The following EPHB1 variants were observed in gnomAD, a reference collection of about 807,000 sequenced individuals.
The protein encoded by EPHB1 is EPH receptor B1.
EPHB1 carries 30 observed loss-of-function variants against 94.4 expected under a neutral mutation model. The observed-to-expected ratio is 0.32, with a 90% confidence interval of 0.24 to 0.43. EPHB1 has a LOEUF of 0.43. EPHB1 is among the 20% of genes least tolerant of loss of function. The probability of loss-of-function intolerance (pLI) is 1.00; values close to 1 mark genes in which losing one functional copy is unlikely to be tolerated. For synonymous variants in EPHB1, 522 were observed against 489.1 expected (o/e 1.07, Z -0.89); for missense variants, 1,055 against 1,308.3 (o/e 0.81, Z 2.99).
intron 1 of EPHB1, among the ~76,000 whole-genome samples, chr3:134,910,008 T>C (rs2038418805): frequency 6.6e-6 from 1 of 152,156 alleles, no homozygotes; most frequent in Non-Finnish European, 1.5e-5. Flanking sequence ...GTTGGCTGCC[T>C]CCTAGTCCAT....
chr3:135,017,166 G>A (rs1214906247), intron 3 of EPHB1, among the ~76,000 whole-genome samples: 1 of 152,168 alleles, frequency 6.6e-6, no homozygotes, highest in Non-Finnish European at 1.5e-5. Context: ...GCAAGTGCAG[G>A]GTCTGTGTCA....
intron 4 of EPHB1, among the ~76,000 whole-genome samples, chr3:135,110,819 G>C (rs559662279): frequency 6.6e-6 from 1 of 152,216 alleles, no homozygotes; most frequent in East Asian, 1.9e-4. Flanking sequence ...ATCTTTTAAG[G>C]TGCTGGCAGT....
intron 3 of EPHB1, among the ~76,000 whole-genome samples, chr3:135,030,304 T>G (rs944780672): frequency 5.3e-5 from 8 of 152,192 alleles, no homozygotes; most frequent in African/African-American, 1.9e-4. Context: ...GGCGCTCTGC[T>G]TTTTAGAGTT....
chr3:135,133,494 A>C (rs1266711944), intron 5 of EPHB1, among the ~76,000 whole-genome samples: 1 of 152,216 alleles, frequency 6.6e-6, no homozygotes, highest in Non-Finnish European at 1.5e-5. Context: ...AGGCACTGAA[A>C]GACTTTGAGA....
At chr3:134,880,365 A>T (rs2037706643) in intron 1 of EPHB1, among the ~76,000 whole-genome samples, 1 of 152,234 alleles carries the variant, frequency 6.6e-6, no homozygotes, top group African/African-American at 2.4e-5. Context: ...TTTGGTGAGG[A>T]TACCTTCAGG....
rs2038177316 is a variant in EPHB1, at chr3:134,900,451, G to A, written c.59-25365G>A. The stretch of plus-strand genomic sequence containing the variant: ...ATAAGACTGGTGGTGTGTGGGTAGG[G>A]CAGCTTAGAGGGTGGGTGGAGAGGT... On this transcript the variant is annotated intron_variant, in intron 1 of 15. Transcript: ENST00000398015. Among the ~76,000 whole-genome samples, 3 of 152,160 alleles carry A rather than the reference G, an allele frequency of 2.0e-5. No homozygotes were observed. In the South Asian group the frequency reaches 6.2e-4, roughly 32 times the overall value.
At chr3:135,250,266 T>C (rs1463869907) in intron 15 of EPHB1, among the ~76,000 whole-genome samples, 3 of 152,182 alleles carry the variant, frequency 2.0e-5, no homozygotes, top group Admixed American at 1.3e-4. Context: ...AGAACCATAT[T>C]TTTGAGGGGC....
At chr3:135,230,152 C>T (rs1322113415) in intron 12 of EPHB1, among the ~76,000 whole-genome samples, 11 of 152,168 alleles carry the variant, frequency 7.2e-5, no homozygotes, top group Admixed American at 1.3e-4. Context: ...AAACACTGGA[C>T]GTGGCCTGGA....
chr3:135,071,674 A>G (rs1937715987), intron 3 of EPHB1, among the ~76,000 whole-genome samples: 1 of 151,768 alleles, frequency 6.6e-6, no homozygotes, highest in South Asian at 2.1e-4. Context: ...GAGTGAAAAA[A>G]CTCATGGCTC....
chr3:135,061,080 A>G (rs560213893), intron 3 of EPHB1, among the ~76,000 whole-genome samples: 122 of 152,286 alleles, frequency 8.0e-4, no homozygotes, highest in African/African-American at 2.7e-3. Flanking sequence ...CTCACTTAAC[A>G]TAATGATCTC....
At chr3:134,798,936 G>A (rs573996598) in intron 1 of EPHB1, among the ~76,000 whole-genome samples, 7 of 152,308 alleles carry the variant, frequency 4.6e-5, no homozygotes, top group East Asian at 1.9e-4. Context: ...CTCAGAGTGC[G>A]GCACACTGGC....
chr3:135,240,978 T>A (rs1295088966), intron 12 of EPHB1, among the ~76,000 whole-genome samples, 170 bp from the exon 13 acceptor site: 1 of 152,186 alleles, frequency 6.6e-6, no homozygotes, highest in East Asian at 1.9e-4. Flanking sequence ...TGAGCTTCTC[T>A]AACTAGGCAC....
At chr3:134,831,074 C>T (rs1357826724) in intron 1 of EPHB1, among the ~76,000 whole-genome samples, 7 of 152,214 alleles carry the variant, frequency 4.6e-5, no homozygotes, top group African/African-American at 1.7e-4. Flanking sequence ...AACCAGAGTG[C>T]TTCCCCTAAA....
intron 4 of EPHB1, among the ~76,000 whole-genome samples, chr3:135,118,819 GTGTT>G (rs577583161): frequency 6.6e-6 from 1 of 152,290 alleles, no homozygotes; most frequent in East Asian, 1.9e-4. Flanking sequence ...CCATGGGTGA[GTGTT>G]TGGGCCCATT....
chr3:134,847,491 G>A (rs2108298428), intron 1 of EPHB1, among the ~76,000 whole-genome samples: 1 of 152,336 alleles, frequency 6.6e-6, no homozygotes, highest in South Asian at 2.1e-4. Context: ...TTAAACCAAA[G>A]TCCTCTGTGG....
chr3:134,980,822 C>G (rs1197404604), intron 3 of EPHB1, among the ~76,000 whole-genome samples: 1 of 152,202 alleles, frequency 6.6e-6, no homozygotes, highest in Non-Finnish European at 1.5e-5. Flanking sequence ...TGAGGATTCC[C>G]TGCCTGCTGC....
intron 2 of EPHB1, among the ~76,000 whole-genome samples, chr3:134,931,964 AATGT>A (rs1435459239): frequency 2.0e-5 from 3 of 151,930 alleles, no homozygotes; most frequent in Non-Finnish European, 4.4e-5. Flanking sequence ...AATATATATG[AATGT>A]ATATATGTAT....
chr3:135,154,644 T>A (rs188688487), intron 6 of EPHB1, among the ~76,000 whole-genome samples: 5 of 152,256 alleles, frequency 3.3e-5, no homozygotes, highest in Admixed American at 3.3e-4. Flanking sequence ...TAGATCAGTG[T>A]TTTTCAAAGT....
At chr3:135,145,159 A>C (rs1478688177) in intron 5 of EPHB1, among the ~76,000 whole-genome samples, 1 of 152,196 alleles carries the variant, frequency 6.6e-6, no homozygotes, top group African/African-American at 2.4e-5. Flanking sequence ...AGATCCAGCT[A>C]TCTAAGCAGG....
Sources: allele counts gnomAD v4.1 joint callset (sites outside exome capture counted in the v4.1 genomes callset), GRCh38; gene constraint gnomAD v4.1.1; transcripts MANE v1.5; gene names NCBI Gene and HGNC (gene_info 2026-07-23, HGNC 2026-07-21).